The following ZC3H12B variants were observed in gnomAD, a reference collection of about 807,000 sequenced individuals.
ZC3H12B encodes probable ribonuclease ZC3H12B.
A neutral mutation model predicts 43.9 loss-of-function variants in ZC3H12B; 7 were observed. That is an observed-to-expected ratio of 0.16 (90% CI 0.09 to 0.30). The LOEUF (loss-of-function observed/expected upper bound fraction) is 0.30. ZC3H12B is among the 10% of genes least tolerant of loss of function. ZC3H12B has a pLI of 1.00. For missense variants in ZC3H12B, 475 were observed against 670.2 expected, an observed-to-expected ratio of 0.71 and a Z score of 3.22; for synonymous variants, 222 against 241.7, an observed-to-expected ratio of 0.92 and a Z score of 0.76.
intron 2 of ZC3H12B, among the ~76,000 whole-genome samples, chrX:65,396,478 T>C (rs1231240093): frequency 1.8e-5 from 2 of 112,283 alleles, no homozygotes; most frequent in African/African-American, 6.5e-5. Context: ...AGTTTCCATA[T>C]AGTTGTGTGG....
chrX:65,215,037 A>T, the ZC3H12B span, among the ~76,000 whole-genome samples: 1 of 111,206 alleles, frequency 9.0e-6, no homozygotes, highest in Admixed American at 9.6e-5. Context: ...TTTTCTAATG[A>T]GTAGGTCCCA....
chrX:65,205,439 C>T, the ZC3H12B span, among the ~76,000 whole-genome samples: 1 of 111,837 alleles, frequency 8.9e-6, no homozygotes, highest in East Asian at 2.8e-4. Flanking sequence ...TCATGATCAT[C>T]TCAATAGATG....
chrX:65,232,071 T>A, the ZC3H12B span, among the ~76,000 whole-genome samples: 3 of 91,174 alleles, frequency 3.3e-5, no homozygotes, highest in African/African-American at 1.4e-4. Flanking sequence ...CCGTCTCTAC[T>A]AACAATACAA....
chrX:65,383,483 C>G (rs750727491), intron 2 of ZC3H12B, among the ~76,000 whole-genome samples: 1 of 111,868 alleles, frequency 8.9e-6, no homozygotes, highest in South Asian at 3.7e-4. Context: ...AACGTTTGAC[C>G]TAATACCATA....
At chrX:65,250,155 C>A in the ZC3H12B span, among the ~76,000 whole-genome samples, 1 of 110,087 alleles carries the variant, frequency 9.1e-6, no homozygotes, top group African/African-American at 3.3e-5. Context: ...TCTCATTGTT[C>A]AATTCCCACC....
the ZC3H12B span, among the ~76,000 whole-genome samples, chrX:65,224,076 G>C: frequency 8.9e-6 from 1 of 112,539 alleles, no homozygotes; most frequent in Non-Finnish European, 1.9e-5. Flanking sequence ...CAATGAAGGT[G>C]TAAAGAAACT....
the ZC3H12B span, among the ~76,000 whole-genome samples, chrX:65,156,474 G>T: frequency 9.0e-6 from 1 of 111,413 alleles, no homozygotes; most frequent in Non-Finnish European, 1.9e-5. Context: ...TCCACCTCTG[G>T]GGCTCAAGTG....
chrX:65,160,011 T>A, the ZC3H12B span, among the ~76,000 whole-genome samples: 1 of 112,145 alleles, frequency 8.9e-6, no homozygotes, highest in Non-Finnish European at 1.9e-5. Flanking sequence ...TCTGCATCTA[T>A]TGAGATAATC....
intron 3 of ZC3H12B, among the ~76,000 whole-genome samples, chrX:65,461,578 C>G (rs1183034314): frequency 3.6e-5 from 4 of 111,812 alleles, no homozygotes; most frequent in African/African-American, 9.8e-5. Context: ...TGGAAACCAT[C>G]ATTCTCAGCA....
chrX:65,062,635 C>A, the ZC3H12B span, among the ~76,000 whole-genome samples: 3 of 111,865 alleles, frequency 2.7e-5, no homozygotes, highest in Non-Finnish European at 5.6e-5. Flanking sequence ...ATTGTCTTGG[C>A]TATACGAGCT....
exon 1 of ZC3H12B, chrX:65,489,059 A>G (rs1484459631): frequency 7.4e-6 from 9 of 1,211,915 alleles, no homozygotes; most frequent in Admixed American, 4.3e-5. Flanking sequence ...CACCCTGCCT[A>G]GATCGTCCAA....
At chrX:65,269,351 AAAAC>A in the ZC3H12B span, among the ~76,000 whole-genome samples, 1 of 108,613 alleles carries the variant, frequency 9.2e-6, no homozygotes, top group South Asian at 4.0e-4. Context: ...CTCAAAAACA[AAAAC>A]AAAACAAAAC....
the ZC3H12B span, among the ~76,000 whole-genome samples, chrX:65,177,647 C>T: frequency 1.4e-4 from 16 of 110,794 alleles, no homozygotes; most frequent in East Asian, 3.7e-3. Flanking sequence ...AGACAAATAG[C>T]CAAATCATGA....
intron 3 of ZC3H12B, among the ~76,000 whole-genome samples, chrX:65,438,198 T>A (rs1475314447): frequency 8.9e-6 from 1 of 111,888 alleles, no homozygotes; most frequent in Middle Eastern, 4.2e-3. Context: ...TAGCTTTGGC[T>A]ATTCTGGGTC....
the ZC3H12B span, among the ~76,000 whole-genome samples, chrX:65,328,986 G>C: frequency 1.8e-5 from 2 of 109,891 alleles, no homozygotes; most frequent in African/African-American, 3.3e-5. Flanking sequence ...CTTTGCTATT[G>C]TGAATAGTGC....
chrX:65,442,183 C>T (rs901550040), intron 3 of ZC3H12B, among the ~76,000 whole-genome samples: 2 of 109,183 alleles, frequency 1.8e-5, no homozygotes, highest in African/African-American at 3.3e-5. Flanking sequence ...AGATTACCTC[C>T]GATACCATCA....
Position 65,373,971 on chromosome X carries a change from G to GTATATATATATAGTTA in ZC3H12B, n.295+4985_295+4986insGTTATATATATATATA, listed in dbSNP as rs1556058082. Among the ~76,000 whole-genome samples, 8 of 41,339 alleles carry GTATATATATATAGTTA rather than the reference G, an allele frequency of 1.9e-4. 2 individuals are homozygous for GTATATATATATAGTTA. The highest frequency in any genetic ancestry group is 1.7e-3 in the African/African-American group (7 of 4,173). The allele number at this position is 41,339 out of a possible 115,157, so 35.9% of individuals were successfully genotyped here. On this transcript the variant is annotated intron_variant and non_coding_transcript_variant, in intron 2 of 5. Transcript: ENST00000617377. ...GTTATATATATATACTGTATATATA[G>GTATATATATATAGTTA]TATATATATATACTATATATATATA... is the stretch of plus-strand genomic sequence containing the variant.
intron 3 of ZC3H12B, among the ~76,000 whole-genome samples, chrX:65,410,769 C>A (rs574229538): frequency 1.8e-5 from 2 of 112,123 alleles, no homozygotes; most frequent in African/African-American, 6.5e-5. Flanking sequence ...TATCATCTCA[C>A]CCCAGTGCAA....
At chrX:65,328,310 T>A in the ZC3H12B span, 1 of 251,577 alleles carries the variant, frequency 4.0e-6, no homozygotes, top group Non-Finnish European at 7.9e-6. Context: ...CTGGCATAAC[T>A]TCATTAACGG....
Sources: allele counts gnomAD v4.1 joint callset (sites outside exome capture counted in the v4.1 genomes callset), GRCh38; gene constraint gnomAD v4.1.1; transcripts MANE v1.5; gene names NCBI Gene and HGNC (gene_info 2026-07-23, HGNC 2026-07-21).